Variants in WDR20 observed in about 807,000 individuals in gnomAD.
WDR20 encodes WD repeat-containing protein 20.
Under a neutral mutation model 38.7 loss-of-function variants are expected in WDR20, and 3 were observed. The observed-to-expected ratio is 0.08, with a 90% CI of 0.04 to 0.20. The LOEUF (loss-of-function observed/expected upper bound fraction) is 0.20, where lower values mean the gene tolerates loss of function less well. Ranked by LOEUF, WDR20 falls within the 10% of genes least tolerant of loss-of-function variation. The pLI is 1.00. For missense variants in WDR20, 559 were observed against 727.7 expected, an observed-to-expected ratio of 0.77 and a Z score of 2.67; for synonymous variants, 298 against 285.6, an observed-to-expected ratio of 1.04 and a Z score of -0.44.
downstream of WDR20, among the ~76,000 whole-genome samples, chr14:102,217,527 T>C (rs2063361283): frequency 6.6e-6 from 1 of 152,206 alleles, no homozygotes; most frequent in Non-Finnish European, 1.5e-5. Context: ...AGGTACGTGG[T>C]CCACTGCCCA....
intron 2 of WDR20, among the ~76,000 whole-genome samples, chr14:102,202,689 G>GT (rs897196111): frequency 2.8e-4 from 43 of 151,866 alleles, no homozygotes; most frequent in African/African-American, 1.0e-3. Context: ...CTGTACGGAG[G>GT]TTTTTTTCAG....
intron 1 of WDR20, among the ~76,000 whole-genome samples, chr14:102,141,213 G>A (rs998558380): frequency 6.6e-6 from 1 of 152,114 alleles, no homozygotes; most frequent in African/African-American, 2.4e-5. Flanking sequence ...CTCCAAATAG[G>A]ACAAGGTGAT....
intron 2 of WDR20, among the ~76,000 whole-genome samples, chr14:102,205,428 C>T (rs886538606): frequency 6.6e-6 from 1 of 152,162 alleles, no homozygotes; most frequent in Non-Finnish European, 1.5e-5. Context: ...TGACTCAGGA[C>T]AGAGGATCCG....
Position 102,204,900 on chromosome 14 carries a change from G to A in WDR20, c.433-3703G>A, listed in dbSNP as rs564611059. Among the ~76,000 whole-genome samples, 4 of 152,290 alleles carry A rather than the reference G, an allele frequency of 2.6e-5. No homozygotes were observed. In the South Asian group the frequency reaches 8.3e-4, roughly 32 times the overall value. ...TATCCAAACAGTTGAATACTCTGCA[G>A]CTTTAGAAAAGAATGAGGATGCTGT... On this transcript the variant is annotated intron_variant, in intron 2 of 2. Coordinates refer to ENST00000342702, the MANE Select transcript of WDR20 (RefSeq NM_144574.4).
At chr14:102,151,197 T>C (rs1017892906) in intron 1 of WDR20, among the ~76,000 whole-genome samples, 1 of 147,090 alleles carries the variant, frequency 6.8e-6, no homozygotes, top group Middle Eastern at 3.5e-3. Flanking sequence ...TTTTTTTTTT[T>C]TGTCATTGGA....
rs559197325 is a variant in WDR20, at chr14:102,199,090, C to T, written c.432+3970C>T. Reference sequence around the variant, plus strand: ...GATTATACTCCAAGATTCTGGCCATCTCAGCTACTGCTTTCAAAGGGGCAC... The same window carrying T: ...GATTATACTCCAAGATTCTGGCCATTTCAGCTACTGCTTTCAAAGGGGCAC... On this transcript the variant is annotated intron_variant, in intron 2 of 2. Coordinates refer to ENST00000342702, the MANE Select transcript of WDR20 (RefSeq NM_144574.4). Among the ~76,000 whole-genome samples the T allele has an allele frequency of 5.3e-5, 8 of 152,264 alleles. No individual in the cohort carries two copies. In the South Asian group the frequency reaches 1.5e-3, roughly 28 times the overall value.
intron 2 of WDR20, among the ~76,000 whole-genome samples, chr14:102,202,139 C>T (rs1283387729): frequency 6.6e-6 from 1 of 152,046 alleles, no homozygotes; most frequent in Non-Finnish European, 1.5e-5. Context: ...CTCTCAGCAC[C>T]TTCTCTGCCC....
At chr14:102,174,826 T>C (rs938111618) in intron 1 of WDR20, among the ~76,000 whole-genome samples, 8 of 152,252 alleles carry the variant, frequency 5.3e-5, no homozygotes, top group African/African-American at 1.9e-4. Flanking sequence ...TTTTTTCATA[T>C]GTTTACTGTC....
chr14:102,224,416 G>C, downstream of WDR20: 1 of 372,344 alleles, frequency 2.7e-6, no homozygotes, highest in South Asian at 2.1e-5. Flanking sequence ...CCTGCTCAGC[G>C]AGTTACTGGA....
intron 1 of WDR20, among the ~76,000 whole-genome samples, chr14:102,193,016 CAA>C (rs998071759): frequency 2.6e-5 from 4 of 151,208 alleles, no homozygotes; most frequent in Admixed American, 1.3e-4. Flanking sequence ...AAAAAAGTCT[CAA>C]GAGTTGAATA....
chr14:102,190,281 C>A (rs2065995361), intron 1 of WDR20, among the ~76,000 whole-genome samples: 1 of 152,136 alleles, frequency 6.6e-6, no homozygotes. Context: ...TTGATTAGGC[C>A]AGGCGCAGTG....
downstream of WDR20, chr14:102,213,026 C>A (rs1056781431): frequency 2.0e-6 from 2 of 990,038 alleles, no homozygotes; most frequent in Non-Finnish European, 2.4e-6. Flanking sequence ...TCCCACCCGG[C>A]AAGGGGGCGA....
intron 1 of WDR20, among the ~76,000 whole-genome samples, chr14:102,172,953 C>A (rs1202476170): frequency 6.7e-6 from 1 of 149,600 alleles, no homozygotes; most frequent in African/African-American, 2.4e-5. Flanking sequence ...TGGGCAGAGG[C>A]GCTCCTCACA....
intron 2 of WDR20, among the ~76,000 whole-genome samples, chr14:102,196,391 ATTTC>A (rs1297685460): frequency 6.6e-6 from 1 of 152,126 alleles, no homozygotes; most frequent in African/African-American, 2.4e-5. Flanking sequence ...TGCAGAAGTG[ATTTC>A]TAAGTAGCTG....
chr14:102,210,386 C>G lies in WDR20; in HGVS notation c.*506C>G. Reference sequence around the variant, plus strand: ...AATCTATGAAATTTAACTTTAGGAACAAAACGTTTAGCAGGGTTGATTGAT... The same window carrying G: ...AATCTATGAAATTTAACTTTAGGAAGAAAACGTTTAGCAGGGTTGATTGAT... On this transcript the variant is annotated 3_prime_UTR_variant, in exon 3 of 3. Transcript: ENST00000342702. 1 of 985,590 alleles carries G rather than the reference C, an allele frequency of 1.0e-6. No individual in the cohort carries two copies. The highest frequency in any genetic ancestry group is 1.7e-5 in the African/African-American group (1 of 57,316). 61.1% of individuals were successfully genotyped at this position (985,590 alleles called of 1,614,324 possible).
chr14:102,180,258 G>C (rs1196325959), intron 1 of WDR20, among the ~76,000 whole-genome samples: 1 of 152,186 alleles, frequency 6.6e-6, no homozygotes, highest in Admixed American at 6.5e-5. Flanking sequence ...AACGCTGCCT[G>C]TAGCAGGGTC....
downstream of WDR20, chr14:102,214,970 C>T: frequency 2.0e-6 from 2 of 985,014 alleles, no homozygotes; most frequent in Non-Finnish European, 2.4e-6. Context: ...CCTCTGTATA[C>T]TGACATTAAA....
intron 1 of WDR20, among the ~76,000 whole-genome samples, chr14:102,142,230 A>G (rs1434295767): frequency 6.6e-6 from 1 of 152,102 alleles, no homozygotes; most frequent in African/African-American, 2.4e-5. Flanking sequence ...ATACATTTGC[A>G]TTGTGTTGCA....
chr14:102,191,589 C>T (rs2066452150), intron 1 of WDR20, among the ~76,000 whole-genome samples: 1 of 152,114 alleles, frequency 6.6e-6, no homozygotes. Context: ...AAAGCTCTGG[C>T]CCAAGAGTGG....
Sources: allele counts gnomAD v4.1 joint callset (sites outside exome capture counted in the v4.1 genomes callset), GRCh38; gene constraint gnomAD v4.1.1; transcripts MANE v1.5; gene names NCBI Gene and HGNC (gene_info 2026-07-23, HGNC 2026-07-21).